The following TMCC1 variants were observed in gnomAD, a reference collection of about 807,000 sequenced individuals.
TMCC1 encodes the protein transmembrane and coiled-coil domains protein 1.
Under a neutral mutation model 52.4 loss-of-function variants are expected in TMCC1, and 15 were observed. That is an observed-to-expected ratio of 0.29 (90% CI 0.19 to 0.44). The LOEUF (loss-of-function observed/expected upper bound fraction) is 0.44, where lower values mean the gene tolerates loss of function less well. Among genes scored for constraint, TMCC1 ranks in the 20% least tolerant of loss-of-function variants. The pLI is 1.00. For synonymous variants in TMCC1, 279 were observed against 301.9 expected, an observed-to-expected ratio of 0.92 and a Z score of 0.79; for missense variants, 503 against 806.0, an observed-to-expected ratio of 0.62 and a Z score of 4.55.
At chr3:129,735,581 C>T (rs2050887857) in intron 4 of TMCC1, among the ~76,000 whole-genome samples, 1 of 147,278 alleles carries the variant, frequency 6.8e-6, no homozygotes, top group Non-Finnish European at 1.5e-5. Context: ...CCCAGGAGTT[C>T]AAGGCTGCTG....
intron 2 of TMCC1, among the ~76,000 whole-genome samples, chr3:129,849,503 G>A (rs977216311): frequency 2.1e-5 from 3 of 145,274 alleles, no homozygotes; most frequent in East Asian, 2.1e-4. Context: ...GGTGGCTCAC[G>A]CCTGTAACCC....
At chr3:129,748,892 A>G (rs1248433556) in intron 4 of TMCC1, among the ~76,000 whole-genome samples, 1 of 152,010 alleles carries the variant, frequency 6.6e-6, no homozygotes, top group African/African-American at 2.4e-5. Flanking sequence ...AATCCCAGCT[A>G]CTCAGGAGGC....
intron 5 of TMCC1, among the ~76,000 whole-genome samples, chr3:129,662,914 A>G (rs568458521): frequency 1.3e-5 from 2 of 152,340 alleles, no homozygotes; most frequent in East Asian, 3.9e-4. Flanking sequence ...AAGCCTTTGC[A>G]CTGTAAGATT....
intron 4 of TMCC1, among the ~76,000 whole-genome samples, chr3:129,790,454 T>G (rs1474160616): frequency 6.6e-6 from 1 of 152,240 alleles, no homozygotes; most frequent in Non-Finnish European, 1.5e-5. Flanking sequence ...TTCAGTTATG[T>G]AATTTAAAAT....
At chr3:129,759,287 A>G (rs1442370417) in intron 4 of TMCC1, among the ~76,000 whole-genome samples, 1 of 131,142 alleles carries the variant, frequency 7.6e-6, no homozygotes, top group Non-Finnish European at 1.6e-5. Context: ...TTTTTTTTTG[A>G]GACAGAGCCT....
Position 129,788,457 on chromosome 3 carries a change from CTTATTTT to C in TMCC1, c.576+39339_576+39345del, listed in dbSNP as rs1396023926. 7.0e-4 allele frequency among the ~76,000 whole-genome samples: 107 copies of C among 152,042 alleles called. 1 individual carries two copies. Among genetic ancestry groups the C allele is most frequent in the Middle Eastern group, 3.4e-3 (1 of 294 alleles). Reference sequence around the variant, plus strand: ...TACATGACATTGATCTTACTGGGGTCTTATTTTTTATTTTTTATTTTTTTAGACAGAG... The same window carrying C: ...TACATGACATTGATCTTACTGGGGTCTTATTTTTTATTTTTTTAGACAGAG... On this transcript the variant is annotated intron_variant, in intron 4 of 6. Coordinates refer to ENST00000393238, the MANE Select transcript of TMCC1 (RefSeq NM_001017395.5).
At chr3:129,654,412 CT>C (rs1576325758) in intron 6 of TMCC1, among the ~76,000 whole-genome samples, 1 of 152,226 alleles carries the variant, frequency 6.6e-6, no homozygotes, top group Admixed American at 6.5e-5. Flanking sequence ...AGACTAGTGT[CT>C]TTCAAAATGC....
intron 4 of TMCC1, among the ~76,000 whole-genome samples, chr3:129,675,603 A>C (rs577790403): frequency 2.8e-4 from 43 of 152,330 alleles, no homozygotes; most frequent in Admixed American, 1.4e-3. Context: ...TCCACATTTC[A>C]GGCATGAACA....
At chr3:129,661,192 A>G (rs1456779939) in intron 5 of TMCC1, among the ~76,000 whole-genome samples, 3 of 152,222 alleles carry the variant, frequency 2.0e-5, no homozygotes, top group African/African-American at 4.8e-5. Flanking sequence ...GGGTAAGTAG[A>G]ATGATCTCAG....
intron 2 of TMCC1, among the ~76,000 whole-genome samples, chr3:129,856,673 C>A (rs901045756): frequency 1.3e-5 from 2 of 152,104 alleles, no homozygotes; most frequent in Non-Finnish European, 2.9e-5. Context: ...GATTAAGTGG[C>A]CTTGGGCTTT....
chr3:129,888,270 G>T (rs1425855766), intron 1 of TMCC1, among the ~76,000 whole-genome samples: 1 of 152,174 alleles, frequency 6.6e-6, no homozygotes, highest in Non-Finnish European at 1.5e-5. Flanking sequence ...GAGACATCAC[G>T]AAGTCATGTT....
intron 6 of TMCC1, among the ~76,000 whole-genome samples, chr3:129,653,851 T>C (rs78958354): frequency 0.056 from 8,502 of 152,242 alleles, 335 homozygotes; most frequent in Middle Eastern, 0.15. Context: ...AACTTGAAAA[T>C]AGTGTAAAAT....
intron 4 of TMCC1, among the ~76,000 whole-genome samples, chr3:129,726,753 C>T (rs1047874225): frequency 2.0e-5 from 3 of 150,674 alleles, no homozygotes; most frequent in South Asian, 2.1e-4. Context: ...GTGGCGCACA[C>T]CTGTAATCTC....
At chr3:129,691,932 A>T (rs1342704532) in intron 4 of TMCC1, among the ~76,000 whole-genome samples, 1 of 152,212 alleles carries the variant, frequency 6.6e-6, no homozygotes, top group Non-Finnish European at 1.5e-5. Flanking sequence ...TATGTCAAAC[A>T]TCCCTACAAA....
chr3:129,883,153 AC>A, intron 1 of TMCC1, among the ~76,000 whole-genome samples: 1 of 152,000 alleles, frequency 6.6e-6, no homozygotes, highest in African/African-American at 2.4e-5. Flanking sequence ...ACACACACAC[AC>A]ACACAAAATT....
chr3:129,825,775 G>A (rs1333598412), intron 4 of TMCC1, among the ~76,000 whole-genome samples: 1 of 152,188 alleles, frequency 6.6e-6, no homozygotes, highest in Non-Finnish European at 1.5e-5. Flanking sequence ...GAGGCCACCG[G>A]TTGGGTAAGA....
intron 2 of TMCC1, among the ~76,000 whole-genome samples, chr3:129,876,302 A>G (rs983771768): frequency 7.9e-5 from 12 of 151,412 alleles, no homozygotes; most frequent in African/African-American, 2.7e-4. Flanking sequence ...AAAAAAAAAA[A>G]AAAAGAATAA....
chr3:129,863,171 C>G (rs574001058), intron 2 of TMCC1, among the ~76,000 whole-genome samples: 46 of 152,102 alleles, frequency 3.0e-4, no homozygotes, highest in African/African-American at 1.1e-3. Flanking sequence ...TATACTGTAC[C>G]CATACACTGT....
In TMCC1 at chr3:129,651,418, C is replaced by T; in HGVS notation, c.*63G>A. 7 of 1,508,882 alleles carry T rather than the reference C, an allele frequency of 4.6e-6. No homozygotes were observed. Among genetic ancestry groups the T allele is most frequent in the Non-Finnish European group, 6.3e-6 (7 of 1,116,416 alleles). 93.5% of individuals were successfully genotyped at this position (1,508,882 alleles called of 1,614,324 possible). ...AGAAAACTTCAGAGTAGGTAAGTTG[C>T]TGTCTAACTCTCTGCTGCATGCACT... On this transcript the variant is annotated 3_prime_UTR_variant, in exon 7 of 7. Transcript: ENST00000393238. This position sits in a 1 kb window ranked among gnomAD's most constrained non-coding sequence, Gnocchi z 5.1.
Sources: allele counts gnomAD v4.1 joint callset (sites outside exome capture counted in the v4.1 genomes callset), GRCh38; gene constraint gnomAD v4.1.1; non-coding constraint Gnocchi (gnomAD v3.1); transcripts MANE v1.5; gene names NCBI Gene and HGNC (gene_info 2026-07-23, HGNC 2026-07-21).